EWSR1: variants seen among roughly 807,000 people sequenced by gnomAD.
EWSR1 encodes the protein RNA-binding protein EWS.
Under a neutral mutation model 92.1 loss-of-function variants are expected in EWSR1, and 14 were observed. The ratio of observed to expected loss-of-function variants is 0.15; its 90% CI spans 0.10 to 0.24. The LOEUF is 0.24. EWSR1 is among the 10% of genes least tolerant of loss of function. The probability of loss-of-function intolerance (pLI) is 1.00; values close to 1 mark genes in which losing one functional copy is unlikely to be tolerated. For synonymous variants in EWSR1, 303 were observed against 292.9 expected (o/e 1.03, Z -0.35); for missense variants, 637 against 870.9 (o/e 0.73, Z 3.38).
chr22:29,294,704 A>G lies in EWSR1; in HGVS notation c.1165-1535A>G, dbSNP rs2060712408. On this transcript the variant is annotated intron_variant, in intron 11 of 16. Coordinates refer to ENST00000397938, the MANE Select transcript of EWSR1 (RefSeq NM_005243.4). Reference sequence around the variant, plus strand: ...GCCGAGGTGGGTGGATCACGAAGTCAAGAGATCGAGACCATCCTGGCCAAC... The same window carrying G: ...GCCGAGGTGGGTGGATCACGAAGTCGAGAGATCGAGACCATCCTGGCCAAC... Among the ~76,000 whole-genome samples the G allele has an allele frequency of 2.0e-5, 3 of 152,094 alleles. No homozygotes were observed. The South Asian group carries it at 6.2e-4, about 32-fold the overall frequency.
chr22:29,287,647 T>A (rs760728722), intron 7 of EWSR1, among the ~76,000 whole-genome samples: 9 of 152,208 alleles, frequency 5.9e-5, no homozygotes, highest in Non-Finnish European at 8.8e-5. Flanking sequence ...TCCAATTTGT[T>A]TTTAGTATGC....
intron 6 of EWSR1, among the ~76,000 whole-genome samples, chr22:29,284,426 G>T (rs1276580125): frequency 6.6e-6 from 1 of 151,400 alleles, no homozygotes; most frequent in East Asian, 1.9e-4. Flanking sequence ...GGAACAAGTA[G>T]AATTGATTGG....
At position 29,273,832 on chromosome 22, in the gene EWSR1, C is replaced by T; in HGVS notation, c.194C>T (p.Ala65Val). The T allele has an allele frequency of 6.2e-7, 1 of 1,614,020 alleles. No individual in the cohort carries two copies. The highest frequency in any genetic ancestry group is 8.5e-7 in the Non-Finnish European group (1 of 1,179,948). ...AQTTATYGQTAYATSYGQPPT... is the reference protein window; with the variant it reads ...AQTTATYGQTVYATSYGQPPT... ...ACCACTGCAACCTATGGGCAGACCG[C>T]CTATGCAACTTCTTATGGACAGCCT... Residue 65 changes from alanine (A) to valine (V), a missense_variant, in exon 4 of 17, where the codon GCC (alanine) becomes GTC (valine). Physicochemically the swap from Ala to Val is moderately conservative, Grantham distance 64. This residue lies in a region of EWSR1 where 144 missense variants were observed against 189.0 expected (regional missense o/e 0.76). Transcript: ENST00000397938.
At chr22:29,291,772 C>T in intron 9 of EWSR1, 173 bp downstream of exon 9, 2 of 617,762 alleles carry the variant, frequency 3.2e-6, no homozygotes, top group South Asian at 4.8e-5. Flanking sequence ...CCTATGGTTA[C>T]AAAACAAAGG....
chr22:29,289,842 T>C (rs117497222), intron 8 of EWSR1: 2,971 of 231,498 alleles, frequency 0.013, 27 homozygotes, highest in Non-Finnish European at 0.019. Context: ...TTTAGTGAAA[T>C]CTTTATTGGA....
At position 29,299,470 on chromosome 22, in the gene EWSR1, G is replaced by A. The variant is rs566736450; in HGVS notation, c.1679-129G>A. ...GTCCTCATTTCTAAATTGTCAGCCCGATGCCGAGATTGAGTGAAGTGTCTG... is the reference window on the plus strand; with the variant it reads ...GTCCTCATTTCTAAATTGTCAGCCCAATGCCGAGATTGAGTGAAGTGTCTG... On this transcript the variant is annotated intron_variant, in intron 15 of 16. Transcript: ENST00000397938. The A allele has an allele frequency of 1.1e-5, 17 of 1,484,788 alleles. No homozygotes were observed. In the East Asian group the frequency reaches 1.4e-4, roughly 12 times the overall value. The allele number at this position is 1,484,788 out of a possible 1,614,324, so 92.0% of individuals were successfully genotyped here. A position where few individuals can be genotyped will look rare whatever the true frequency, so the allele number is the denominator to read the frequency against.
chr22:29,288,678 G>A lies in EWSR1; in HGVS notation c.866G>A (p.Gly289Glu). 3 of 1,613,956 alleles carry A rather than the reference G, an allele frequency of 1.9e-6. No homozygotes were observed. Among genetic ancestry groups the A allele is most frequent in the Non-Finnish European group, 2.5e-6 (3 of 1,179,876 alleles). ...GAGTCTGGAGGATTTTCCGGACCAG[G>A]AGAGAACCGGAGCATGAGTGGCCCT... ...GQESGGFSGP[G>E]ENRSMSGPDN... Residue 289 changes from glycine to glutamate, a missense_variant, in exon 8 of 17, where the codon GGA (glycine) becomes GAA (glutamate). Physicochemically the swap from Gly to Glu is moderately conservative, Grantham distance 98. Coordinates refer to ENST00000397938, the MANE Select transcript of EWSR1 (RefSeq NM_005243.4).
In EWSR1 at chr22:29,292,611, G is replaced by A; in HGVS notation, c.1164+5G>A. On this transcript the variant is annotated splice_donor_5th_base_variant and intron_variant, in intron 11 of 16. Transcript: ENST00000397938. Reference sequence around the variant, plus strand: ...AAGCAGTGTGGGGTTGTTAAGGTCAGTAAAAGCATAACCAGGTCATCTGGC... The same window carrying A: ...AAGCAGTGTGGGGTTGTTAAGGTCAATAAAAGCATAACCAGGTCATCTGGC... The A allele has an allele frequency of 6.3e-7, 1 of 1,575,164 alleles. No homozygotes were observed. The highest frequency in any genetic ancestry group is 8.7e-7 in the Non-Finnish European group (1 of 1,145,320).
In EWSR1 at chr22:29,272,275, T is replaced by C. The variant is rs200665732; in HGVS notation, c.50+23T>C. On this transcript the variant is annotated intron_variant, in intron 2 of 16. Transcript: ENST00000397938. The stretch of plus-strand genomic sequence containing the variant: ...GGGGTAAGTCAGTCTTTTATAACCG[T>C]ATTTTGTGTGTGATTAATATTTTTT... 3.7e-6 allele frequency: 6 copies of C among 1,613,854 alleles called. No individual in the cohort carries two copies. In the Admixed American group the frequency reaches 8.3e-5, roughly 22 times the overall value.
chr22:29,274,495 T>G (rs192578883), intron 4 of EWSR1: 323 of 539,890 alleles, frequency 6.0e-4, no homozygotes, highest in African/African-American at 5.4e-3. Flanking sequence ...TATTTAATAT[T>G]ACTTTGTTTC....
intron 1 of EWSR1, 46 bp from the exon 2 acceptor site, chr22:29,272,170 T>C: frequency 6.3e-7 from 1 of 1,576,924 alleles, no homozygotes; most frequent in Non-Finnish European, 8.7e-7. Flanking sequence ...CTCTTCTCCT[T>C]GTTTCTGCTA....
chr22:29,298,960 C>T (rs1206480307), intron 14 of EWSR1, 65 bp downstream of exon 14: 2 of 1,479,500 alleles, frequency 1.4e-6, no homozygotes, highest in Non-Finnish European at 1.8e-6. Context: ...ACCCCATCCC[C>T]ACTCTAGAGT....
chr22:29,276,354 C>T (rs917226368), intron 4 of EWSR1: 3 of 227,736 alleles, frequency 1.3e-5, no homozygotes. Flanking sequence ...TTTTCTGGAA[C>T]TATGTATACT....
intron 11 of EWSR1, among the ~76,000 whole-genome samples, chr22:29,294,500 G>A (rs2060688977): frequency 6.6e-6 from 1 of 151,726 alleles, no homozygotes; most frequent in Admixed American, 6.6e-5. Flanking sequence ...CAGCTACTCG[G>A]AGGCTGAGGC....
intron 15 of EWSR1, 108 bp downstream of exon 15, chr22:29,299,439 TGTC>T (rs1323930562): frequency 8.8e-5 from 133 of 1,503,494 alleles, no homozygotes; most frequent in Non-Finnish European, 1.2e-4. Flanking sequence ...AACTTTGAGT[TGTC>T]GTGTCCTCAT....
chr22:29,277,072 TC>T (rs1377321780), intron 4 of EWSR1: 1 of 229,732 alleles, frequency 4.4e-6, no homozygotes, highest in Admixed American at 5.7e-5. Flanking sequence ...CACGCCGAAG[TC>T]CCGAAGGGAA....
chr22:29,298,622 G>A, intron 13 of EWSR1, 111 bp from the exon 14 acceptor site: 1 of 1,336,930 alleles, frequency 7.5e-7, no homozygotes, highest in Non-Finnish European at 1.1e-6. Flanking sequence ...GACAGGTGAT[G>A]GGGAAATGAC....
chr22:29,273,555 T>A (rs1157804635), intron 3 of EWSR1, among the ~76,000 whole-genome samples, 186 bp from the exon 4 acceptor site: 1 of 152,206 alleles, frequency 6.6e-6, no homozygotes, highest in Admixed American at 6.5e-5. Context: ...ATAATATGAG[T>A]GAACCAGATA....
At chr22:29,273,933 A>G in intron 4 of EWSR1, 69 bp downstream of exon 4, 1 of 1,583,322 alleles carries the variant, frequency 6.3e-7, no homozygotes. Flanking sequence ...CTTATTAGTC[A>G]TGCTTTCGGA....
Sources: gnomAD v4.1 joint callset for allele counts (sites outside exome capture counted in the v4.1 genomes callset) on GRCh38, gnomAD v4.1.1 for gene constraint, gnomAD v4.1.1 regional missense constraint, MANE v1.5 for transcripts, NCBI Gene and HGNC (gene_info 2026-07-23, HGNC 2026-07-21) for gene names.